Variants in CLYBL observed in about 807,000 individuals in gnomAD.
The protein encoded by CLYBL is citramalyl-CoA lyase, mitochondrial.
CLYBL carries 31 observed loss-of-function variants against 38.9 expected under a neutral mutation model. That is an observed-to-expected ratio of 0.80 (90% CI 0.60 to 1.08). The LOEUF (loss-of-function observed/expected upper bound fraction) is 1.08, where lower values mean the gene tolerates loss of function less well. CLYBL is among the 50% of genes least tolerant of loss of function. The probability of loss-of-function intolerance (pLI) is 0.00; values close to 1 mark genes in which losing one functional copy is unlikely to be tolerated. For synonymous variants in CLYBL, 171 were observed against 158.6 expected (o/e 1.08, Z -0.59); for missense variants, 434 against 411.6 (o/e 1.05, Z -0.47).
intron 1 of CLYBL, among the ~76,000 whole-genome samples, chr13:99,703,168 C>T (rs963523578): frequency 1.6e-4 from 24 of 152,098 alleles, no homozygotes; most frequent in African/African-American, 1.4e-4. Context: ...TTTGTGTTTC[C>T]GGGGCTGGGC....
At chr13:99,771,000 G>A (rs1235916791) in intron 1 of CLYBL, among the ~76,000 whole-genome samples, 1 of 146,550 alleles carries the variant, frequency 6.8e-6, no homozygotes, top group Non-Finnish European at 1.5e-5. Context: ...GATTACAGGC[G>A]TAAGCCACCA....
At chr13:99,703,562 T>G (rs2048102751) in intron 1 of CLYBL, among the ~76,000 whole-genome samples, 3 of 152,146 alleles carry the variant, frequency 2.0e-5, no homozygotes, top group South Asian at 2.1e-4. Context: ...GTAGAGACGG[T>G]ATTTCACCGT....
At chr13:99,737,427 AT>A (rs1375418571) in intron 1 of CLYBL, among the ~76,000 whole-genome samples, 1 of 152,162 alleles carries the variant, frequency 6.6e-6, no homozygotes, top group Non-Finnish European at 1.5e-5. Context: ...CCAACTCCTA[AT>A]ATGAATCTGG....
intron 2 of CLYBL, among the ~76,000 whole-genome samples, chr13:99,825,869 G>A (rs188111023): frequency 9.9e-5 from 15 of 152,278 alleles, no homozygotes; most frequent in South Asian, 4.2e-4. Context: ...CTTCCTGCCC[G>A]CTGTTTCAGT....
intron 1 of CLYBL, among the ~76,000 whole-genome samples, chr13:99,693,280 C>A (rs2047934003): frequency 6.6e-6 from 1 of 152,110 alleles, no homozygotes; most frequent in Non-Finnish European, 1.5e-5. Context: ...CCCCCACAGT[C>A]CAGCACTCAC....
chr13:99,712,331 C>CTTT lies in CLYBL; in HGVS notation c.63-60474_63-60472dup, dbSNP rs766784946. On this transcript the variant is annotated intron_variant, in intron 1 of 8. Coordinates refer to ENST00000339105, the MANE Select transcript of CLYBL (RefSeq NM_206808.5). ...TTGTCCCCTTGGAGTTAGCAATTGA[C>CTTT]TTTTTTTTTTTTTTTTTTTTTGAGA... Among the ~76,000 whole-genome samples, 300 of 120,796 alleles carry CTTT rather than the reference C, an allele frequency of 2.5e-3. 4 individuals are homozygous for CTTT. The highest frequency in any genetic ancestry group is 0.013 in the East Asian group (50 of 3,896). The allele number at this position is 120,796 out of a possible 152,430, so 79.2% of individuals were successfully genotyped here.
At chr13:99,864,086 G>A (rs1266308492) in intron 4 of CLYBL, among the ~76,000 whole-genome samples, 1 of 152,156 alleles carries the variant, frequency 6.6e-6, no homozygotes, top group Non-Finnish European at 1.5e-5. Flanking sequence ...GATGCAACCA[G>A]ATTCATCCAG....
chr13:99,661,919 G>A (rs1429889575), intron 1 of CLYBL, among the ~76,000 whole-genome samples: 1 of 152,148 alleles, frequency 6.6e-6, no homozygotes, highest in Non-Finnish European at 1.5e-5. Context: ...TATAAATTGT[G>A]CCCCTGCTGT....
At chr13:99,698,169 C>T (rs1284741107) in intron 1 of CLYBL, among the ~76,000 whole-genome samples, 1 of 149,690 alleles carries the variant, frequency 6.7e-6, no homozygotes, top group African/African-American at 2.6e-5. Context: ...TTTTGCCATG[C>T]TGGAGTTTGT....
intron 1 of CLYBL, among the ~76,000 whole-genome samples, chr13:99,721,920 A>G (rs1125435): frequency 0.2 from 30,101 of 151,974 alleles, 3,316 homozygotes; most frequent in East Asian, 0.48. Flanking sequence ...GCACTGCTTT[A>G]CCTTTTTCTT....
chr13:99,751,893 G>C (rs1243059394), intron 1 of CLYBL, among the ~76,000 whole-genome samples: 1 of 152,194 alleles, frequency 6.6e-6, no homozygotes, highest in Non-Finnish European at 1.5e-5. Flanking sequence ...ATAGCCTATA[G>C]ATCAGCTCAA....
In CLYBL at chr13:99,863,016, TAAAAGGCCGA is replaced by T; in HGVS notation, c.468_477del (p.Lys156AsnfsTer6). The stretch of plus-strand genomic sequence containing the variant: ...TTTGCAGACAAATTTTCATTCCACT[TAAAAGGCCGA>T]AAACTTGAACAACCAATGAATTTAA... On this transcript the variant is annotated frameshift_variant, in exon 4 of 9. Transcript: ENST00000339105. LOFTEE classifies it high-confidence loss of function. The T allele has an allele frequency of 6.2e-7, 1 of 1,610,814 alleles. No individual in the cohort carries two copies. The highest frequency in any genetic ancestry group is 8.5e-7 in the Non-Finnish European group (1 of 1,178,404).
rs2052711225 is a variant in CLYBL, at chr13:99,907,728, G to A, written c.*161-327G>A. Reference sequence around the variant, plus strand: ...AATAAATAAAGCTGGGCATGGTAGTGCTTGCTTGTAGTCCCAGCTACTCAG... The same window carrying A: ...AATAAATAAAGCTGGGCATGGTAGTACTTGCTTGTAGTCCCAGCTACTCAG... On this transcript the variant is annotated intron_variant and NMD_transcript_variant, in intron 9 of 9. Transcript: ENST00000689673. Among the ~76,000 whole-genome samples, 4 of 152,140 alleles carry A rather than the reference G, an allele frequency of 2.6e-5. 1 individual carries two copies. The highest frequency in any genetic ancestry group is 2.6e-4 in the Admixed American group (4 of 15,274).
rs1438659309 is a variant in CLYBL at position 99,880,116 on chromosome 13, C to T, written c.927+9054C>T. On this transcript the variant is annotated intron_variant, in intron 7 of 8. Coordinates refer to ENST00000339105, the MANE Select transcript of CLYBL (RefSeq NM_206808.5). ...AGAGTCTTGTTCTGTTGCCCAGGCT[C>T]GAGTACAATGGCGGGATCTTGGCTC... 7.1e-5 allele frequency among the ~76,000 whole-genome samples: 10 copies of T among 140,268 alleles called. 1 individual carries two copies. The South Asian group carries it at 1.1e-3, about 15-fold the overall frequency. The allele number at this position is 140,268 out of a possible 152,430, so 92.0% of individuals were successfully genotyped here. A position where few individuals can be genotyped will look rare whatever the true frequency, so the allele number is the denominator to read the frequency against.
At chr13:99,765,585 C>G (rs1006231063) in intron 1 of CLYBL, among the ~76,000 whole-genome samples, 18 of 152,016 alleles carry the variant, frequency 1.2e-4, no homozygotes, top group Admixed American at 6.6e-5. Flanking sequence ...CCTGTGTCAC[C>G]CAGGCTGGAA....
At chr13:99,777,617 C>T (rs1399323117) in intron 2 of CLYBL, among the ~76,000 whole-genome samples, 2 of 152,114 alleles carry the variant, frequency 1.3e-5, no homozygotes, top group East Asian at 1.9e-4. Flanking sequence ...CTCAGCCTCC[C>T]GAGTAGCTGG....
intron 1 of CLYBL, among the ~76,000 whole-genome samples, chr13:99,671,030 C>T (rs544878701): frequency 2.0e-5 from 3 of 152,182 alleles, no homozygotes; most frequent in Non-Finnish European, 2.9e-5. Flanking sequence ...CTCCCTTGTC[C>T]GCTGCCCTTA....
At chr13:99,851,315 C>T (rs1300808993) in intron 2 of CLYBL, among the ~76,000 whole-genome samples, 12 of 144,582 alleles carry the variant, frequency 8.3e-5, no homozygotes, top group Admixed American at 6.5e-4. Flanking sequence ...TGCAGTGAGC[C>T]GAGATCATGC....
intron 1 of CLYBL, among the ~76,000 whole-genome samples, chr13:99,616,663 T>C (rs764110529): frequency 6.6e-6 from 1 of 152,076 alleles, no homozygotes; most frequent in Non-Finnish European, 1.5e-5. Flanking sequence ...TATTTAATAA[T>C]AAAGGAATGG....
Sources: allele counts gnomAD v4.1 joint callset (sites outside exome capture counted in the v4.1 genomes callset), GRCh38; gene constraint gnomAD v4.1.1; transcripts MANE v1.5; gene names NCBI Gene and HGNC (gene_info 2026-07-23, HGNC 2026-07-21).